The following TCF4 variants were observed in gnomAD, a reference collection of about 807,000 sequenced individuals.
TCF4 encodes the protein transcription factor 4.
TCF4 carries 3 observed loss-of-function variants against 82.1 expected under a neutral mutation model. That is an observed-to-expected ratio of 0.04 (90% CI 0.02 to 0.09). TCF4 has a LOEUF of 0.09. Ranked by LOEUF, TCF4 falls within the 10% of genes least tolerant of loss-of-function variation. The pLI, the probability that TCF4 is intolerant of heterozygous loss-of-function variation, is 1.00. For missense variants in TCF4, 518 were observed against 852.7 expected (o/e 0.61, Z 4.89); for synonymous variants, 276 against 309.6 (o/e 0.89, Z 1.14).
At chr18:55,589,868 G>C, upstream of TCF4, 1 of 997,426 alleles carries the variant, frequency 1.0e-6, no homozygotes, top group Non-Finnish European at 1.2e-6. Context: ...GGCGGGGCGG[G>C]AGCAGGCGAC....
intron 3 of TCF4, among the ~76,000 whole-genome samples, chr18:55,530,563 G>A (rs138886352): frequency 8.0e-5 from 11 of 137,024 alleles, no homozygotes; most frequent in South Asian, 2.2e-4. Flanking sequence ...CCCTGAAAAG[G>A]GGGGGGGAAA....
chr18:55,359,568 A>T (rs1352434689), intron 6 of TCF4, among the ~76,000 whole-genome samples: 1 of 152,210 alleles, frequency 6.6e-6, no homozygotes, highest in African/African-American at 2.4e-5. Flanking sequence ...GCTATGGAAG[A>T]TGCTTGCATG....
intron 2 of TCF4, among the ~76,000 whole-genome samples, chr18:55,625,728 ATT>A (rs1239873874): frequency 9.2e-5 from 14 of 152,210 alleles, no homozygotes; most frequent in East Asian, 3.9e-4. Context: ...TTTTGCTATC[ATT>A]GTTTTTGCAG....
At chr18:55,444,777 A>T (rs1024216212) in intron 5 of TCF4, among the ~76,000 whole-genome samples, 1 of 152,212 alleles carries the variant, frequency 6.6e-6, no homozygotes, top group Non-Finnish European at 1.5e-5. Flanking sequence ...CCACCCACAG[A>T]CATGTCAAAA....
chr18:55,591,773 T>C (rs756970992), upstream of TCF4, among the ~76,000 whole-genome samples: 5 of 152,136 alleles, frequency 3.3e-5, no homozygotes, highest in African/African-American at 7.2e-5. Flanking sequence ...CACCTCGGCC[T>C]CCCAAAGTAC....
At chr18:55,603,569 A>AAG (rs2097699385) in intron 2 of TCF4, among the ~76,000 whole-genome samples, 1 of 152,180 alleles carries the variant, frequency 6.6e-6, no homozygotes, top group Non-Finnish European at 1.5e-5. Flanking sequence ...GCATACTTCT[A>AAG]AGAGAGATTG....
Position 55,391,955 on chromosome 18 carries a change from C to CTTTT in TCF4, c.369+11495_369+11498dup, listed in dbSNP as rs1212656712. ...TTCATCTAAAAGAAAAAAAAAAAATCTTTTTTTTTTTTTTTTTTTTTTTTT... is the reference window on the plus strand; with the variant it reads ...TTCATCTAAAAGAAAAAAAAAAAATCTTTTTTTTTTTTTTTTTTTTTTTTTTTTT... On this transcript the variant is annotated intron_variant, in intron 6 of 19. Transcript: ENST00000354452. Among the ~76,000 whole-genome samples, 170 of 61,698 alleles carry CTTTT rather than the reference C, an allele frequency of 2.8e-3. 32 individuals are homozygous for CTTTT. The highest frequency in any genetic ancestry group is 0.012 in the African/African-American group (132 of 10,998). 40.5% of individuals were successfully genotyped at this position (61,698 alleles called of 152,430 possible). A position where few individuals can be genotyped will look rare whatever the true frequency, so the allele number is the denominator to read the frequency against.
chr18:55,232,892 G>C (rs1026815270), intron 16 of TCF4, among the ~76,000 whole-genome samples: 1 of 152,192 alleles, frequency 6.6e-6, no homozygotes, highest in Non-Finnish European at 1.5e-5. Flanking sequence ...ATCTTTTGGA[G>C]TAGATGGTAA....
intron 13 of TCF4, among the ~76,000 whole-genome samples, chr18:55,258,254 G>A (rs1235024851): frequency 6.6e-6 from 1 of 152,136 alleles, no homozygotes; most frequent in African/African-American, 2.4e-5. Flanking sequence ...AATTTGGACA[G>A]AGCCGTCGGT....
At chr18:55,422,113 A>AAACC in intron 5 of TCF4, 2 of 712,936 alleles carry the variant, frequency 2.8e-6, no homozygotes, top group Non-Finnish European at 3.4e-6. Context: ...AAAAAAAAAA[A>AAACC]CCACTATCAT....
chr18:55,586,187 AG>A lies in TCF4; in HGVS notation c.73-836del, dbSNP rs1385159418. The A allele has an allele frequency of 2.3e-5, 15 of 665,836 alleles. 2 individuals carry two copies. Among genetic ancestry groups the A allele is most frequent in the Admixed American group, 1.5e-4 (3 of 19,852 alleles). 41.2% of individuals were successfully genotyped at this position (665,836 alleles called of 1,614,324 possible). ...CAGCAGCAGCAGCAGCAGCAGCAGC[AG>A]CAGCAGCAGCAGCAGCAGCAGCAGC... On this transcript the variant is annotated intron_variant, in intron 2 of 19. Transcript: ENST00000354452.
At chr18:55,523,166 A>G (rs1314607562) in intron 3 of TCF4, among the ~76,000 whole-genome samples, 1 of 152,094 alleles carries the variant, frequency 6.6e-6, no homozygotes, top group Non-Finnish European at 1.5e-5. Context: ...TAACACAGAG[A>G]ATATTACATT....
At chr18:55,309,874 T>C (rs1416796646) in intron 8 of TCF4, among the ~76,000 whole-genome samples, 2 of 152,140 alleles carry the variant, frequency 1.3e-5, no homozygotes, top group East Asian at 1.9e-4. Flanking sequence ...AGGTCAATAC[T>C]CCCTCAAATA....
chr18:55,516,384 G>GTT (rs573699607), intron 3 of TCF4, among the ~76,000 whole-genome samples: 25 of 151,018 alleles, frequency 1.7e-4, no homozygotes, highest in Non-Finnish European at 2.4e-4. Context: ...GGTTTTTTGG[G>GTT]TTTTTTTTTA....
chr18:55,383,584 C>T (rs2092262883), intron 6 of TCF4, among the ~76,000 whole-genome samples: 2 of 152,162 alleles, frequency 1.3e-5, no homozygotes, highest in African/African-American at 4.8e-5. Flanking sequence ...CATTCAAATT[C>T]CCAAGCTGAT....
intron 3 of TCF4, among the ~76,000 whole-genome samples, chr18:55,514,467 T>C (rs889740900): frequency 6.7e-6 from 1 of 150,014 alleles, no homozygotes; most frequent in Non-Finnish European, 1.5e-5. Flanking sequence ...CCTACCACCA[T>C]GCTGGTCAGT....
intron 3 of TCF4, among the ~76,000 whole-genome samples, chr18:55,553,910 T>A (rs371806107): frequency 8.5e-5 from 13 of 152,232 alleles, no homozygotes; most frequent in South Asian, 6.2e-4. Context: ...AAGATGATAG[T>A]CTAAAGGAAA....
chr18:55,565,623 T>C (rs1398239710), intron 3 of TCF4, among the ~76,000 whole-genome samples: 1 of 152,170 alleles, frequency 6.6e-6, no homozygotes, highest in Non-Finnish European at 1.5e-5. Context: ...GAAGCTTAAG[T>C]GAGGGTTAGT....
At chr18:55,579,440 T>C (rs909775068) in intron 3 of TCF4, among the ~76,000 whole-genome samples, 2 of 120,896 alleles carry the variant, frequency 1.7e-5, no homozygotes, top group Non-Finnish European at 3.5e-5. Context: ...CCATAAAAAA[T>C]AGCTCATAAA....
Sources: gnomAD v4.1 joint callset for allele counts (sites outside exome capture counted in the v4.1 genomes callset) on GRCh38, gnomAD v4.1.1 for gene constraint, MANE v1.5 for transcripts, NCBI Gene and HGNC (gene_info 2026-07-23, HGNC 2026-07-21) for gene names.